MUSK: variants seen among roughly 807,000 people sequenced by gnomAD.
MUSK encodes the protein muscle associated receptor tyrosine kinase, also known as muscle, skeletal receptor tyrosine-protein kinase.
Under a neutral mutation model 88.7 loss-of-function variants are expected in MUSK, and 55 were observed. The ratio of observed to expected loss-of-function variants is 0.62; its 90% CI spans 0.50 to 0.78. The LOEUF is 0.78. Ranked by LOEUF, MUSK falls within the 30% of genes least tolerant of loss-of-function variation. The pLI, the probability that MUSK is intolerant of heterozygous loss-of-function variation, is 0.00. For missense variants in MUSK, 1,015 were observed against 1,074.3 expected (o/e 0.94, Z 0.77); for synonymous variants, 387 against 391.9 (o/e 0.99, Z 0.15).
intron 9 of MUSK, among the ~76,000 whole-genome samples, chr9:110,771,786 G>C (rs1196942405): frequency 2.0e-5 from 3 of 152,154 alleles, no homozygotes; most frequent in Non-Finnish European, 4.4e-5. Context: ...AAAAAAGTCA[G>C]ATACCAGCTT....
At chr9:110,726,933 G>T (rs1333860251) in intron 5 of MUSK, among the ~76,000 whole-genome samples, 1 of 152,028 alleles carries the variant, frequency 6.6e-6, no homozygotes, top group Non-Finnish European at 1.5e-5. Context: ...CAGGGAATCT[G>T]CAGTTTCCTA....
chr9:110,700,805 G>A (rs2076491773), intron 5 of MUSK, among the ~76,000 whole-genome samples: 1 of 152,134 alleles, frequency 6.6e-6, no homozygotes, highest in Non-Finnish European at 1.5e-5. Context: ...GTGACCACAT[G>A]TTCTGGTTTT....
At chr9:110,713,901 C>T (rs542047596) in intron 5 of MUSK, among the ~76,000 whole-genome samples, 4 of 152,212 alleles carry the variant, frequency 2.6e-5, no homozygotes, top group Non-Finnish European at 4.4e-5. Context: ...TTTTGATAAA[C>T]GTACCATGGT....
chr9:110,698,217 G>T (rs2076458477), intron 5 of MUSK, among the ~76,000 whole-genome samples: 1 of 152,148 alleles, frequency 6.6e-6, no homozygotes, highest in Non-Finnish European at 1.5e-5. Flanking sequence ...GTATGCCAGA[G>T]AATTAACATT....
At chr9:110,742,651 G>A (rs1407487893) in intron 6 of MUSK, among the ~76,000 whole-genome samples, 4 of 152,190 alleles carry the variant, frequency 2.6e-5, no homozygotes, top group Non-Finnish European at 5.9e-5. Flanking sequence ...GAGTAGGATA[G>A]TTTAAGATAG....
chr9:110,776,362 CAT>C (rs747153068), intron 10 of MUSK, among the ~76,000 whole-genome samples: 11 of 152,158 alleles, frequency 7.2e-5, no homozygotes, highest in Non-Finnish European at 1.3e-4. Flanking sequence ...AAATAAGACA[CAT>C]GTTTGAAAAT....
chr9:110,745,044 G>A (rs1302533483), intron 6 of MUSK, among the ~76,000 whole-genome samples: 1 of 152,132 alleles, frequency 6.6e-6, no homozygotes, highest in Non-Finnish European at 1.5e-5. Context: ...TTCAAACTAT[G>A]ACTAATGGGG....
chr9:110,718,446 G>T (rs2076772036), intron 5 of MUSK, among the ~76,000 whole-genome samples: 1 of 151,924 alleles, frequency 6.6e-6, no homozygotes, highest in Admixed American at 6.6e-5. Context: ...GCACCAGAAA[G>T]TCTCAGTAAC....
In MUSK at chr9:110,800,579, G is replaced by T. The variant is rs1048752511; in HGVS notation, c.2201G>T (p.Gly734Val). 1.2e-6 allele frequency: 2 copies of T among 1,613,384 alleles called. No homozygotes were observed. ...RDLATRNCLV[G>V]ENMVVKIADF... is the part of the protein sequence containing the mutation. The stretch of plus-strand genomic sequence containing the variant: ...TTAGCCACCAGGAACTGCCTGGTGG[G>T]CGAGAACATGGTGGTGAAAATTGCC... Residue 734 changes from glycine to valine, a missense_variant, in exon 15 of 15, where the codon GGC (glycine) becomes GTC (valine). Transcript: ENST00000374448.
chr9:110,737,263 T>C (rs1269181051), intron 6 of MUSK, among the ~76,000 whole-genome samples: 3 of 151,956 alleles, frequency 2.0e-5, no homozygotes, highest in Admixed American at 1.3e-4. Context: ...GCACCGAGTC[T>C]TTAGTTTCTG....
intron 6 of MUSK, among the ~76,000 whole-genome samples, chr9:110,741,212 A>T (rs2077093794): frequency 6.6e-6 from 1 of 152,176 alleles, no homozygotes; most frequent in African/African-American, 2.4e-5. Flanking sequence ...TTCATAATAT[A>T]CATATATATC....
intron 5 of MUSK, among the ~76,000 whole-genome samples, chr9:110,703,703 G>C (rs1190950307): frequency 1.3e-5 from 2 of 151,972 alleles, no homozygotes; most frequent in East Asian, 3.9e-4. Flanking sequence ...TCAGAATTTA[G>C]AATTCAGTGC....
rs2076148165 is a variant in MUSK at position 110,682,663 on chromosome 9, T to C, written c.80-11T>C. Reference sequence around the variant, plus strand: ...TAGAATGTTCTCTTTTGATTTCTCCTTTCCTTTCAGCTCCTGTCATCACCA... The same window carrying C: ...TAGAATGTTCTCTTTTGATTTCTCCCTTCCTTTCAGCTCCTGTCATCACCA... On this transcript the variant is annotated splice_polypyrimidine_tract_variant and intron_variant, in intron 1 of 14. Transcript: ENST00000374448. 1 of 1,610,300 alleles carries C rather than the reference T, an allele frequency of 6.2e-7. No homozygotes were observed. Among genetic ancestry groups the C allele is most frequent in the Non-Finnish European group, 8.5e-7 (1 of 1,178,018 alleles).
At chr9:110,673,393 T>C (rs2131624484) in intron 1 of MUSK, among the ~76,000 whole-genome samples, 1 of 152,276 alleles carries the variant, frequency 6.6e-6, no homozygotes, top group South Asian at 2.1e-4. Flanking sequence ...GTGGAAATAT[T>C]AATAGTATCT....
intron 11 of MUSK, among the ~76,000 whole-genome samples, chr9:110,782,563 T>TTA (rs1242056833): frequency 6.6e-6 from 1 of 152,214 alleles, no homozygotes; most frequent in Non-Finnish European, 1.5e-5. Context: ...ACTAATTACA[T>TTA]TATATTCCCT....
intron 7 of MUSK, among the ~76,000 whole-genome samples, chr9:110,759,223 C>A (rs72756534): frequency 0.014 from 2,185 of 152,254 alleles, 21 homozygotes; most frequent in Middle Eastern, 0.027. Flanking sequence ...CAAAAACAGG[C>A]AATGGGGAAA....
chr9:110,744,431 G>A (rs930760371), intron 6 of MUSK, among the ~76,000 whole-genome samples: 3 of 152,292 alleles, frequency 2.0e-5, no homozygotes, highest in East Asian at 1.9e-4. Flanking sequence ...TCTCAAGACC[G>A]CATTAGTAAT....
intron 5 of MUSK, among the ~76,000 whole-genome samples, chr9:110,704,768 G>A (rs963977906): frequency 2.0e-5 from 3 of 151,994 alleles, no homozygotes; most frequent in South Asian, 2.1e-4. Flanking sequence ...GGCGAATCAC[G>A]AGGTTAGGAG....
chr9:110,685,589 G>T (rs557102567), intron 2 of MUSK, among the ~76,000 whole-genome samples: 9 of 152,112 alleles, frequency 5.9e-5, no homozygotes, highest in Non-Finnish European at 1.0e-4. Context: ...ACACCATTCA[G>T]CTAAGTTCTC....
Sources: allele counts gnomAD v4.1 joint callset (sites outside exome capture counted in the v4.1 genomes callset), GRCh38; gene constraint gnomAD v4.1.1; transcripts MANE v1.5; gene names NCBI Gene and HGNC (gene_info 2026-07-23, HGNC 2026-07-21).